EBF1: variants seen among roughly 807,000 people sequenced by gnomAD.
EBF1 encodes the protein transcription factor COE1.
A neutral mutation model predicts 68.4 loss-of-function variants in EBF1; 10 were observed. The ratio of observed to expected loss-of-function variants is 0.15; its 90% CI spans 0.09 to 0.25. The LOEUF is 0.25. Among genes scored for constraint, EBF1 ranks in the 10% least tolerant of loss-of-function variants. EBF1 has a pLI of 1.00. For missense variants in EBF1, 509 were observed against 794.4 expected (o/e 0.64, Z 4.32); for synonymous variants, 298 against 299.8 (o/e 0.99, Z 0.06).
chr5:158,696,440 T>C lies in EBF1; in HGVS notation c.*2671A>G. On this transcript the variant is annotated 3_prime_UTR_variant, in exon 16 of 16. Transcript: ENST00000313708. ...CTGCACATGGCTGACAGATGGGTAG[T>C]GTCTGTTGTCAAGGTCTAAGCCGGA... 1 of 221,618 alleles carries C rather than the reference T, an allele frequency of 4.5e-6. No homozygotes were observed. Among genetic ancestry groups the C allele is most frequent in the Admixed American group, 5.7e-5 (1 of 17,394 alleles). 13.7% of individuals were successfully genotyped at this position (221,618 alleles called of 1,614,324 possible). A position where few individuals can be genotyped will look rare whatever the true frequency, so the allele number is the denominator to read the frequency against.
At chr5:158,899,812 G>A (rs1802905410) in intron 6 of EBF1, among the ~76,000 whole-genome samples, 1 of 152,166 alleles carries the variant, frequency 6.6e-6, no homozygotes, top group Non-Finnish European at 1.5e-5. Context: ...TGTGTTTTAG[G>A]ATGGCCATTT....
At chr5:158,746,021 C>A (rs1162839382) in intron 10 of EBF1, among the ~76,000 whole-genome samples, 2 of 152,116 alleles carry the variant, frequency 1.3e-5, no homozygotes, top group Non-Finnish European at 2.9e-5. Flanking sequence ...TAGCACAGTC[C>A]ATGTTTCAGG....
intron 11 of EBF1, among the ~76,000 whole-genome samples, chr5:158,729,535 T>G (rs1763647695): frequency 6.6e-6 from 1 of 152,206 alleles, no homozygotes; most frequent in Admixed American, 6.5e-5. Context: ...CGGGACCATG[T>G]TCTTGCTAGA....
intron 10 of EBF1, among the ~76,000 whole-genome samples, chr5:158,750,841 T>C (rs543314736): frequency 6.6e-6 from 1 of 152,222 alleles, no homozygotes; most frequent in South Asian, 2.1e-4. Flanking sequence ...CAAATTACTA[T>C]GGTTTTTAAA....
Position 158,816,444 on chromosome 5 carries a change from G to A in EBF1, c.778+6732C>T, listed in dbSNP as rs142944112. Among the ~76,000 whole-genome samples, 749 of 152,350 alleles carry A rather than the reference G, an allele frequency of 4.9e-3. 9 individuals carry two copies. Among genetic ancestry groups the A allele is most frequent in the African/African-American group, 0.017 (688 of 41,572 alleles). On this transcript the variant is annotated intron_variant, in intron 8 of 15. Transcript: ENST00000313708. ...AGAGAAACAAGCTATGTTTAAGCTT[G>A]AGCAGATTATATCCCCTCTCTGGGT... is the stretch of plus-strand genomic sequence containing the variant.
intron 6 of EBF1, among the ~76,000 whole-genome samples, chr5:158,956,019 T>C (rs1472315217): frequency 1.4e-5 from 2 of 145,732 alleles, no homozygotes; most frequent in African/African-American, 5.2e-5. Flanking sequence ...ATTAATTAAA[T>C]AAATATAAAT....
intron 6 of EBF1, among the ~76,000 whole-genome samples, chr5:159,072,816 T>C (rs1778065842): frequency 1.3e-5 from 2 of 152,214 alleles, no homozygotes; most frequent in South Asian, 4.1e-4. Flanking sequence ...GTAATATGGA[T>C]CTGTTTAAAA....
chr5:158,805,137 C>T (rs902288855), intron 8 of EBF1, among the ~76,000 whole-genome samples: 1 of 152,012 alleles, frequency 6.6e-6, no homozygotes, highest in Non-Finnish European at 1.5e-5. Flanking sequence ...ATGAAAATAA[C>T]CTTCCAAAAA....
At chr5:159,051,523 G>A (rs1005146724) in intron 6 of EBF1, among the ~76,000 whole-genome samples, 2 of 150,502 alleles carry the variant, frequency 1.3e-5, no homozygotes, top group African/African-American at 2.4e-5. Flanking sequence ...ACAAACTGGA[G>A]CCGGGGCCTT....
chr5:159,087,373 CAT>C (rs1554134218), intron 4 of EBF1, among the ~76,000 whole-genome samples: 5 of 135,910 alleles, frequency 3.7e-5, no homozygotes, highest in African/African-American at 5.6e-5. Flanking sequence ...TATATACACA[CAT>C]ATATATACAC....
intron 6 of EBF1, among the ~76,000 whole-genome samples, chr5:158,899,259 G>C (rs898641228): frequency 2.3e-4 from 35 of 152,090 alleles, no homozygotes; most frequent in African/African-American, 8.0e-4. Flanking sequence ...CTGAAAACAG[G>C]CCATGGCTAA....
intron 10 of EBF1, among the ~76,000 whole-genome samples, chr5:158,737,615 T>G (rs1765498505): frequency 6.6e-6 from 1 of 152,128 alleles, no homozygotes; most frequent in African/African-American, 2.4e-5. Context: ...TCTTCAGGTC[T>G]CTTGATGTGT....
intron 6 of EBF1, among the ~76,000 whole-genome samples, chr5:158,948,986 G>A (rs546315027): frequency 6.6e-6 from 1 of 152,148 alleles, no homozygotes; most frequent in Admixed American, 6.5e-5. Context: ...TTATCACCCT[G>A]CAATGGTAAA....
chr5:158,867,701 G>A (rs535258324), intron 6 of EBF1, among the ~76,000 whole-genome samples: 1 of 152,282 alleles, frequency 6.6e-6, no homozygotes, highest in South Asian at 2.1e-4. Flanking sequence ...TTATTGGAGT[G>A]TACCAAGACT....
intron 6 of EBF1, among the ~76,000 whole-genome samples, chr5:158,969,880 GAAAGAAAGAA>G (rs1282694572): frequency 1.3e-4 from 11 of 82,792 alleles, no homozygotes; most frequent in African/African-American, 4.5e-4. Context: ...AAGAAAGAAA[GAAAGAAAGAA>G]AGAAAGAAAG....
chr5:159,077,841 C>T (rs529062213), intron 5 of EBF1, among the ~76,000 whole-genome samples: 1 of 142,918 alleles, frequency 7.0e-6, no homozygotes, highest in African/African-American at 2.6e-5. Context: ...GGGGCTCAAG[C>T]GATCCTCCCA....
chr5:159,013,863 C>CA (rs1462445894), intron 6 of EBF1, among the ~76,000 whole-genome samples: 1 of 152,194 alleles, frequency 6.6e-6, no homozygotes, highest in African/African-American at 2.4e-5. Context: ...TTCAGCGCTC[C>CA]AAAGAAGAGT....
intron 6 of EBF1, among the ~76,000 whole-genome samples, chr5:158,908,702 C>A (rs1290100580): frequency 6.6e-6 from 1 of 152,238 alleles, no homozygotes; most frequent in East Asian, 1.9e-4. Context: ...TGCGTTTGCA[C>A]CTCCAAACAC....
chr5:159,010,493 A>G (rs1174023085), intron 6 of EBF1, among the ~76,000 whole-genome samples: 1 of 151,438 alleles, frequency 6.6e-6, no homozygotes, highest in African/African-American at 2.4e-5. Context: ...ACTCCCCCCC[A>G]GAAGCATGAC....
Sources: gnomAD v4.1 joint callset for allele counts (sites outside exome capture counted in the v4.1 genomes callset) on GRCh38, gnomAD v4.1.1 for gene constraint, MANE v1.5 for transcripts, NCBI Gene and HGNC (gene_info 2026-07-23, HGNC 2026-07-21) for gene names.